EPB41L3: variants seen among roughly 807,000 people sequenced by gnomAD.
EPB41L3 encodes band 4.1-like protein 3.
Under a neutral mutation model 127.1 loss-of-function variants are expected in EPB41L3, and 57 were observed. That is an observed-to-expected ratio of 0.45 (90% CI 0.36 to 0.56). The LOEUF is 0.56. Among genes scored for constraint, EPB41L3 ranks in the 20% least tolerant of loss-of-function variants. EPB41L3 has a pLI of 0.00. For missense variants in EPB41L3, 1,273 were observed against 1,372.2 expected (o/e 0.93, Z 1.14); for synonymous variants, 572 against 549.5 (o/e 1.04, Z -0.57).
intron 3 of EPB41L3, chr18:5,466,178 A>C (rs567819124): frequency 3.3e-4 from 50 of 152,346 alleles, no homozygotes; most frequent in Middle Eastern, 3.4e-3. Context: ...TAACAATATC[A>C]TAAAAATAGT....
intron 3 of EPB41L3, among the ~76,000 whole-genome samples, chr18:5,448,793 C>T (rs1054092919): frequency 6.6e-5 from 10 of 152,118 alleles, no homozygotes; most frequent in South Asian, 4.1e-4. Flanking sequence ...AACAAACCAA[C>T]GGTGGCTTGC....
At chr18:5,564,783 C>A (rs559841359) in intron 3 of EPB41L3, among the ~76,000 whole-genome samples, 15 of 152,152 alleles carry the variant, frequency 9.9e-5, no homozygotes, top group Non-Finnish European at 1.8e-4. Flanking sequence ...GGACTCCCTG[C>A]CACCAACAGG....
intron 13 of EPB41L3, among the ~76,000 whole-genome samples, chr18:5,411,021 T>G (rs907923460): frequency 2.3e-4 from 35 of 152,228 alleles, no homozygotes; most frequent in African/African-American, 8.2e-4. Flanking sequence ...TCTAGTAATA[T>G]TTCATATTTG....
chr18:5,405,754 C>T (rs937217656), intron 16 of EPB41L3, among the ~76,000 whole-genome samples: 10 of 148,622 alleles, frequency 6.7e-5, no homozygotes, highest in Admixed American at 2.7e-4. Flanking sequence ...TCAGCATGGG[C>T]GACAGAGAGA....
rs529115118 is a variant in EPB41L3, at chr18:5,422,512, C to T, written c.1339+866G>A. ...TTATTATTTAAACCATACTTGCATA[C>T]CAGAAACTCCTAATTCTTTTTATTT... On this transcript the variant is annotated intron_variant, in intron 11 of 22. Transcript: ENST00000341928. Among the ~76,000 whole-genome samples, 9 of 152,216 alleles carry T rather than the reference C, an allele frequency of 5.9e-5. No homozygotes were observed. The South Asian group carries it at 1.7e-3, about 28-fold the overall frequency.
At chr18:5,491,089 G>A (rs545838536) in intron 1 of EPB41L3, among the ~76,000 whole-genome samples, 7 of 152,342 alleles carry the variant, frequency 4.6e-5, no homozygotes, top group Admixed American at 2.0e-4. Context: ...AGCTGTGGCT[G>A]TGGATTAAGA....
At chr18:5,486,166 G>A (rs1365532946) in intron 2 of EPB41L3, among the ~76,000 whole-genome samples, 1 of 152,078 alleles carries the variant, frequency 6.6e-6, no homozygotes, top group Non-Finnish European at 1.5e-5. Context: ...GAACAGAATA[G>A]AGAATCCAGA....
rs2094578578 is a variant in EPB41L3, at chr18:5,600,436, C to A, written c.-306+11904G>T. ...TGTCTGTATAAATCACATGAATGATCTGAACCATAAAAGCACTTTATAAAA... is the reference window on the plus strand; with the variant it reads ...TGTCTGTATAAATCACATGAATGATATGAACCATAAAAGCACTTTATAAAA... On this transcript the variant is annotated intron_variant, in intron 3 of 21. Transcript: ENST00000545076. Among the ~76,000 whole-genome samples the A allele has an allele frequency of 6.6e-5, 10 of 152,132 alleles. No individual in the cohort carries two copies. The South Asian group carries it at 2.1e-3, about 31-fold the overall frequency.
chr18:5,504,488 A>G (rs907425251), intron 1 of EPB41L3, among the ~76,000 whole-genome samples: 2 of 152,140 alleles, frequency 1.3e-5, no homozygotes, highest in African/African-American at 4.8e-5. Context: ...AGTGAGTCCA[A>G]AGGGATTTCA....
intron 14 of EPB41L3, among the ~76,000 whole-genome samples, chr18:5,409,478 C>T (rs2075918920): frequency 6.6e-6 from 1 of 151,990 alleles, no homozygotes; most frequent in Admixed American, 6.6e-5. Flanking sequence ...TATATGATTG[C>T]TTAAAAGAAT....
At chr18:5,575,508 T>C (rs2149268144) in intron 3 of EPB41L3, among the ~76,000 whole-genome samples, 1 of 152,220 alleles carries the variant, frequency 6.6e-6, no homozygotes, top group Middle Eastern at 3.4e-3. Context: ...ACTTCCTCCA[T>C]CATTGTAAGC....
chr18:5,546,463 G>A (rs1310613296), upstream of EPB41L3, among the ~76,000 whole-genome samples: 1 of 151,670 alleles, frequency 6.6e-6, no homozygotes, highest in East Asian at 1.9e-4. Context: ...CTGAGAGGTA[G>A]AGGTTGCAGT....
At chr18:5,396,482 T>A in intron 18 of EPB41L3, 150 bp from the exon 19 acceptor site, 1 of 836,548 alleles carries the variant, frequency 1.2e-6, no homozygotes, top group Non-Finnish European at 1.8e-6. Flanking sequence ...GCATACAACA[T>A]GCACATGTCA....
chr18:5,522,738 TG>T (rs1568490400), intron 1 of EPB41L3, among the ~76,000 whole-genome samples: 1 of 152,122 alleles, frequency 6.6e-6, no homozygotes, highest in Non-Finnish European at 1.5e-5. Context: ...GAAGCCATTC[TG>T]GTTGAGGGCA....
chr18:5,420,535 A>G (rs1397614625), intron 11 of EPB41L3, among the ~76,000 whole-genome samples: 2 of 152,234 alleles, frequency 1.3e-5, no homozygotes, highest in Non-Finnish European at 2.9e-5. Flanking sequence ...TTTCTACTGC[A>G]TTTTAAACAG....
At chr18:5,537,226 G>A (rs2149001549) in intron 1 of EPB41L3, among the ~76,000 whole-genome samples, 1 of 152,170 alleles carries the variant, frequency 6.6e-6, no homozygotes, top group East Asian at 1.9e-4. Context: ...TTTCTGTATT[G>A]TTAGACTATA....
At chr18:5,534,112 G>A (rs112765074) in intron 1 of EPB41L3, among the ~76,000 whole-genome samples, 2 of 152,218 alleles carry the variant, frequency 1.3e-5, no homozygotes, top group Non-Finnish European at 2.9e-5. Flanking sequence ...GCAGTGAGCC[G>A]AGATCTCGCC....
intron 3 of EPB41L3, among the ~76,000 whole-genome samples, chr18:5,549,611 T>C (rs939406141): frequency 2.0e-5 from 3 of 152,132 alleles, no homozygotes; most frequent in Admixed American, 6.5e-5. Flanking sequence ...ATGCACACCA[T>C]TGATATCAGA....
intron 1 of EPB41L3, among the ~76,000 whole-genome samples, chr18:5,622,191 T>C (rs1173779234): frequency 6.6e-6 from 1 of 152,170 alleles, no homozygotes; most frequent in Non-Finnish European, 1.5e-5. Context: ...AACATAAATG[T>C]TGAGAGTAAA....
Sources: gnomAD v4.1 joint callset for allele counts (sites outside exome capture counted in the v4.1 genomes callset) on GRCh38, gnomAD v4.1.1 for gene constraint, MANE v1.5 for transcripts, NCBI Gene and HGNC (gene_info 2026-07-23, HGNC 2026-07-21) for gene names.